EGF: variants seen among roughly 807,000 people sequenced by gnomAD.
EGF encodes the protein pro-epidermal growth factor.
EGF carries 95 observed loss-of-function variants against 143.8 expected under a neutral mutation model. That is an observed-to-expected ratio of 0.66 (90% confidence interval 0.56 to 0.78). The LOEUF is 0.78. EGF is among the 30% of genes least tolerant of loss of function. The probability of loss-of-function intolerance (pLI) is 0.00; values close to 1 mark genes in which losing one functional copy is unlikely to be tolerated. For synonymous variants in EGF, 510 were observed against 510.5 expected, an observed-to-expected ratio of 1.00 and a Z score of 0.01; for missense variants, 1,320 against 1,470.9, an observed-to-expected ratio of 0.90 and a Z score of 1.68.
chr4:109,976,026 C>T lies in EGF; in HGVS notation c.1844C>T (p.Thr615Ile). Residue 615 changes from threonine to isoleucine, a missense_variant, in exon 13 of 24, where the codon ACT becomes ATT. Thr to Ile is a moderately conservative substitution (Grantham distance 89). Transcript: ENST00000265171. ...VHPMAKRLFW[T>I]DTGINPRIES... ...CTTGATTAAAGGAGATTATTCTGGA[C>T]TGATACAGGGATTAATCCACGAATT... 1 of 1,613,824 alleles carries T rather than the reference C, an allele frequency of 6.2e-7. No homozygotes were observed. Among genetic ancestry groups the T allele is most frequent in the Non-Finnish European group, 8.5e-7 (1 of 1,179,736 alleles).
chr4:109,966,618 A>C (rs1746642396), intron 10 of EGF, among the ~76,000 whole-genome samples: 1 of 152,100 alleles, frequency 6.6e-6, no homozygotes, highest in South Asian at 2.1e-4. Context: ...AAATCACCAT[A>C]CTTTTTCCCT....
intron 12 of EGF, among the ~76,000 whole-genome samples, chr4:109,975,503 C>A (rs1428183684): frequency 6.6e-6 from 1 of 152,104 alleles, no homozygotes; most frequent in Non-Finnish European, 1.5e-5. Context: ...AAAAATGTGC[C>A]CAGCACCTGA....
intron 5 of EGF, among the ~76,000 whole-genome samples, chr4:109,946,194 G>T (rs7668520): frequency 0.39 from 58,535 of 151,950 alleles, 11,635 homozygotes; most frequent in East Asian, 0.5. Flanking sequence ...AGACAGGTAC[G>T]TTTTGTTTGG....
chr4:109,991,031 G>A lies in EGF; in HGVS notation c.2735-2216G>A, dbSNP rs148773348. 5.2e-3 allele frequency among the ~76,000 whole-genome samples: 788 copies of A among 152,162 alleles called. 4 individuals are homozygous for A. Among genetic ancestry groups the A allele is most frequent in the Non-Finnish European group, 9.2e-3 (627 of 68,010 alleles). On this transcript the variant is annotated intron_variant, in intron 18 of 23. Transcript: ENST00000265171. ...AACAGATGGGTTGGGTTACCTCTGCGGAAGACTAAAATCTGAGGGTTAGTC... is the reference window on the plus strand; with the variant it reads ...AACAGATGGGTTGGGTTACCTCTGCAGAAGACTAAAATCTGAGGGTTAGTC...
At chr4:109,983,313 G>A in intron 15 of EGF, 109 bp from the exon 16 acceptor site, 2 of 1,292,986 alleles carry the variant, frequency 1.5e-6, no homozygotes, top group Non-Finnish European at 2.2e-6. Context: ...CTTACTGTAA[G>A]AATGAGTCTG....
chr4:109,974,874 A>G (rs2126100385), intron 12 of EGF, 67 bp downstream of exon 12: 2 of 1,301,612 alleles, frequency 1.5e-6, no homozygotes, highest in Non-Finnish European at 2.2e-6. Context: ...TTGATATGCT[A>G]GTGTCCAAAA....
In EGF at chr4:109,960,897, G is replaced by A. The variant is rs143612590; in HGVS notation, c.1097G>A (p.Gly366Asp). The A allele has an allele frequency of 1.1e-4, 184 of 1,613,902 alleles. No individual in the cohort carries two copies. In the African/African-American group the frequency reaches 2.1e-3, roughly 19 times the overall value. ...DVNECAFWNH[G>D]CTLGCKNTPG... ...AATGAATGTGCTTTTTGGAATCATG[G>A]CTGTACTCTTGGGTGTAAAAACACC... The change falls in exon 7 of 24, where the codon GGC (glycine) becomes GAC (aspartate). Residue 366 changes from glycine to aspartate, a missense_variant. Physicochemically the swap from Gly to Asp is moderately conservative, Grantham distance 94. Coordinates refer to ENST00000265171, the MANE Select transcript of EGF (RefSeq NM_001963.6).
At chr4:109,964,708 CT>C (rs1408876276) in intron 10 of EGF, among the ~76,000 whole-genome samples, 171 bp downstream of exon 10, 1 of 152,172 alleles carries the variant, frequency 6.6e-6, no homozygotes, top group Admixed American at 6.5e-5. Context: ...ATTTTAAGGA[CT>C]TTTTTGCCAT....
intron 10 of EGF, among the ~76,000 whole-genome samples, chr4:109,968,473 A>G (rs1746963571): frequency 6.6e-6 from 1 of 152,154 alleles, no homozygotes; most frequent in Admixed American, 6.5e-5. Context: ...CAGAAGCCAC[A>G]GTAGTTCAAG....
rs11569003 is a variant in EGF at position 109,978,752 on chromosome 4, G to A, written c.2054-1220G>A. 0.014 allele frequency among the ~76,000 whole-genome samples: 2,069 copies of A among 152,294 alleles called. 215 individuals carry two copies. In the East Asian group the frequency reaches 0.23, roughly 17 times the overall value. ...TATGCTTTTTCACCATGATAAAAAA[G>A]AACTATAGCTATGTTAAAAATTCCC... is the stretch of plus-strand genomic sequence containing the variant. On this transcript the variant is annotated intron_variant, in intron 13 of 23. Transcript: ENST00000265171.
At chr4:109,945,383 A>G (rs1357542904) in intron 5 of EGF, 108 bp downstream of exon 5, 4 of 966,770 alleles carry the variant, frequency 4.1e-6, no homozygotes, top group African/African-American at 3.3e-5. Context: ...TTTTTCTTCA[A>G]CCCTCATATA....
intron 10 of EGF, among the ~76,000 whole-genome samples, chr4:109,966,342 C>T (rs1389376277): frequency 6.6e-6 from 1 of 151,978 alleles, no homozygotes; most frequent in Admixed American, 6.6e-5. Context: ...AGTATAATGC[C>T]TTCCAATTCC....
At chr4:109,999,531 C>A in intron 20 of EGF, 148 bp from the exon 21 acceptor site, 4 of 993,722 alleles carry the variant, frequency 4.0e-6, no homozygotes, top group Non-Finnish European at 6.2e-6. Flanking sequence ...ATAGCGCTTT[C>A]AACTGACCCC....
chr4:109,933,415 CT>C (rs989098548), intron 1 of EGF, among the ~76,000 whole-genome samples: 3 of 134,990 alleles, frequency 2.2e-5, no homozygotes, highest in Admixed American at 7.3e-5. Context: ...TGTAGCATTT[CT>C]TTTTTTTCTT....
rs2299000 is a variant in EGF, at chr4:109,996,071, G to A, written c.3005+1191G>A. ...ATCTAATTGGTTTTGCCTGTTCATT[G>A]TTTCTGATCATCCCAAATAATGAAA... On this transcript the variant is annotated intron_variant, in intron 20 of 23. Transcript: ENST00000265171. 5.4e-4 allele frequency among the ~76,000 whole-genome samples: 82 copies of A among 152,206 alleles called. No homozygotes were observed. In the East Asian group the frequency reaches 0.014, roughly 25 times the overall value.
intron 1 of EGF, among the ~76,000 whole-genome samples, chr4:109,936,106 G>A (rs1393213853): frequency 2.6e-5 from 4 of 152,198 alleles, no homozygotes; most frequent in African/African-American, 9.6e-5. Context: ...GATTGGAATA[G>A]TTTCAGAAGG....
intron 9 of EGF, 46 bp downstream of exon 9, chr4:109,963,344 AT>A (rs746855652): frequency 7.4e-6 from 12 of 1,613,092 alleles, no homozygotes; most frequent in Non-Finnish European, 1.0e-5. Context: ...AAAAAAATTC[AT>A]GAAAATCTTT....
At chr4:109,946,308 A>G (rs1275610037) in intron 5 of EGF, among the ~76,000 whole-genome samples, 2 of 152,206 alleles carry the variant, frequency 1.3e-5, no homozygotes, top group Non-Finnish European at 2.9e-5. Flanking sequence ...CTTAGGTTGA[A>G]GTTCAGCATT....
Position 109,988,635 on chromosome 4 carries a change from A to G in EGF, c.2660A>G (p.Lys887Arg). The G allele has an allele frequency of 6.2e-7, 1 of 1,614,108 alleles. No homozygotes were observed. The highest frequency in any genetic ancestry group is 8.5e-7 in the Non-Finnish European group (1 of 1,179,960). Residue 887 changes from lysine (K) to arginine (R), a missense_variant, in exon 18 of 24, where the codon AAG becomes AGG. Lys to Arg is a conservative substitution (Grantham distance 26). Coordinates refer to ENST00000265171, the MANE Select transcript of EGF (RefSeq NM_001963.6). ...CCAGTGTGCCCCCCTGCCTCCTCCA[A>G]GTGCATCAACACCGAAGGTGGTTAT... ...GVPVCPPASS[K>R]CINTEGGYVC...
Sources: gnomAD v4.1 joint callset for allele counts (sites outside exome capture counted in the v4.1 genomes callset) on GRCh38, gnomAD v4.1.1 for gene constraint, MANE v1.5 for transcripts, NCBI Gene and HGNC (gene_info 2026-07-23, HGNC 2026-07-21) for gene names.